Variants in AAK1 observed in about 807,000 individuals in gnomAD.
AAK1 encodes AP2-associated protein kinase 1.
AAK1 carries 37 observed loss-of-function variants against 116.0 expected under a neutral mutation model. The observed-to-expected ratio is 0.32, with a 90% CI of 0.25 to 0.42. The LOEUF (loss-of-function observed/expected upper bound fraction) is 0.42, where lower values mean the gene tolerates loss of function less well. AAK1 is among the 10% of genes least tolerant of loss of function. The pLI, the probability that AAK1 is intolerant of heterozygous loss-of-function variation, is 1.00. For missense variants in AAK1, 919 were observed against 1,170.6 expected (o/e 0.79, Z 3.14); for synonymous variants, 458 against 439.9 (o/e 1.04, Z -0.51).
At chr2:69,542,735 G>A (rs937675234) in intron 4 of AAK1, 70 bp from the exon 5 acceptor site, 1 of 1,542,370 alleles carries the variant, frequency 6.5e-7, no homozygotes, top group Non-Finnish European at 8.8e-7. Flanking sequence ...CTAAGAGAAT[G>A]AACGGCGTCC....
rs1671369881 is a variant in AAK1, at chr2:69,555,930, T to A, written c.282+930A>T. Among the ~76,000 whole-genome samples the A allele has an allele frequency of 2.6e-5, 4 of 152,192 alleles. No individual in the cohort carries two copies. In the South Asian group the frequency reaches 8.3e-4, roughly 32 times the overall value. ...GATGCTACTCTAACAAATTCCCATATACTCATAATTCTGCTTTGATCACCA... is the reference window on the plus strand; with the variant it reads ...GATGCTACTCTAACAAATTCCCATAAACTCATAATTCTGCTTTGATCACCA... On this transcript the variant is annotated intron_variant, in intron 3 of 21. Coordinates refer to ENST00000409085, the MANE Select transcript of AAK1 (RefSeq NM_014911.5).
At position 69,470,961 on chromosome 2, in the gene AAK1, A is replaced by C; in HGVS notation, c.*4908T>G. On this transcript the variant is annotated 3_prime_UTR_variant, in exon 22 of 22. Coordinates refer to ENST00000409085, the MANE Select transcript of AAK1 (RefSeq NM_014911.5). ...AAAGTCTTTATTCCCCTGTATGTTT[A>C]CATAAGAAAGTTCTTTACAGACTTT... 1 of 985,876 alleles carries C rather than the reference A, an allele frequency of 1.0e-6. No individual in the cohort carries two copies. The highest frequency in any genetic ancestry group is 1.2e-6 in the Non-Finnish European group (1 of 829,924). 61.1% of individuals were successfully genotyped at this position (985,876 alleles called of 1,614,324 possible).
At position 69,564,309 on chromosome 2, in the gene AAK1, G is replaced by C. The variant is rs1034692761; in HGVS notation, c.164-7331C>G. ...ACAGAAGGTACTTCAGTGGCTGCAC[G>C]AGGAAAAACTGACCTCCCTCCCTTA... On this transcript the variant is annotated intron_variant, in intron 2 of 21. Coordinates refer to ENST00000409085, the MANE Select transcript of AAK1 (RefSeq NM_014911.5). 2.0e-5 allele frequency among the ~76,000 whole-genome samples: 3 copies of C among 152,052 alleles called. No individual in the cohort carries two copies. The East Asian group carries it at 5.8e-4, about 29-fold the overall frequency.
intron 3 of AAK1, among the ~76,000 whole-genome samples, chr2:69,551,221 G>A (rs901588608): frequency 1.1e-4 from 16 of 152,010 alleles, no homozygotes; most frequent in East Asian, 3.8e-4. Flanking sequence ...AGCGGGTAAC[G>A]ACACACACTG....
Position 69,470,606 on chromosome 2 carries a change from G to T in AAK1, c.*5263C>A. 4.1e-6 allele frequency: 4 copies of T among 985,386 alleles called. No homozygotes were observed. The highest frequency in any genetic ancestry group is 4.8e-6 in the Non-Finnish European group (4 of 829,922). 61.0% of individuals were successfully genotyped at this position (985,386 alleles called of 1,614,324 possible). Reference sequence around the variant, plus strand: ...CCAACACAAAATGTTTAATTAAGTTGGCCTGGGTATATTAGGGATTAAGTT... The same window carrying T: ...CCAACACAAAATGTTTAATTAAGTTTGCCTGGGTATATTAGGGATTAAGTT... On this transcript the variant is annotated 3_prime_UTR_variant, in exon 22 of 22. Transcript: ENST00000409085.
chr2:69,475,025 C>T lies in AAK1; in HGVS notation c.*844G>A. 1 of 961,634 alleles carries T rather than the reference C, an allele frequency of 1.0e-6. No individual in the cohort carries two copies. The highest frequency in any genetic ancestry group is 1.2e-6 in the Non-Finnish European group (1 of 825,042). The allele number at this position is 961,634 out of a possible 1,614,324, so 59.6% of individuals were successfully genotyped here. A position where few individuals can be genotyped will look rare whatever the true frequency, so the allele number is the denominator to read the frequency against. On this transcript the variant is annotated 3_prime_UTR_variant, in exon 22 of 22. Coordinates refer to ENST00000409085, the MANE Select transcript of AAK1 (RefSeq NM_014911.5). ...TCTAATAAAAGGTATCATATTACCA[C>T]CGTCTTGTTTTGGTCTAATTCTGAG...
intron 10 of AAK1, among the ~76,000 whole-genome samples, chr2:69,522,028 C>T (rs1669808056): frequency 6.6e-6 from 1 of 152,224 alleles, no homozygotes; most frequent in East Asian, 1.9e-4. Context: ...CTGTAATTCA[C>T]AGCCAGATCG....
chr2:69,464,618 C>T lies in AAK1; in HGVS notation c.*11251G>A, dbSNP rs1674430467. 6.6e-6 allele frequency: 1 copy of T among 152,540 alleles called. No individual in the cohort carries two copies. The highest frequency in any genetic ancestry group is 1.5e-5 in the Non-Finnish European group (1 of 68,044). The allele number at this position is 152,540 out of a possible 1,614,324, so 9.4% of individuals were successfully genotyped here. On this transcript the variant is annotated 3_prime_UTR_variant, in exon 22 of 22. Coordinates refer to ENST00000409085, the MANE Select transcript of AAK1 (RefSeq NM_014911.5). Reference sequence around the variant, plus strand: ...GTAGGCATGATGGGGCAGGATTTCCCTCAAGTGGAAATGCTTCCTGTGCAC... The same window carrying T: ...GTAGGCATGATGGGGCAGGATTTCCTTCAAGTGGAAATGCTTCCTGTGCAC...
rs1674979382 is a variant in AAK1 at position 69,479,075 on chromosome 2, A to C, written c.2570-14T>G. 2 of 1,547,148 alleles carry C rather than the reference A, an allele frequency of 1.3e-6. No individual in the cohort carries two copies. Among genetic ancestry groups the C allele is most frequent in the African/African-American group, 1.4e-5 (1 of 73,642 alleles). ...CGGTGAGAGAATCTGAGTCCAGATT[A>C]ACAGCATCCCAGGTCAGTGATGGCA... On this transcript the variant is annotated splice_polypyrimidine_tract_variant and intron_variant, in intron 19 of 21. Transcript: ENST00000409085.
chr2:69,623,296 A>G (rs1674748309), intron 2 of AAK1, among the ~76,000 whole-genome samples: 1 of 152,226 alleles, frequency 6.6e-6, no homozygotes, highest in Admixed American at 6.5e-5. Context: ...TCTTGAAGTC[A>G]GTAAGACCAA....
In AAK1 at chr2:69,496,037, C is replaced by A. The variant is rs950550433; in HGVS notation, c.2313G>T (p.Pro771=). The change falls in exon 17 of 22, where the codon CCG becomes CCT. Residue 771 remains proline (P), a synonymous_variant. Coordinates refer to ENST00000409085, the MANE Select transcript of AAK1 (RefSeq NM_014911.5). ...KGGQTVDSGL[P]LLSVSDPFIP... ...TGAAAGGATCAGACACGCTTAGAAG[C>A]GGGAGGCCAGAGTCCACAGTCTGCC... 1 of 1,555,256 alleles carries A rather than the reference C, an allele frequency of 6.4e-7. No homozygotes were observed. The highest frequency in any genetic ancestry group is 1.9e-5 in the Admixed American group (1 of 51,346).
chr2:69,529,600 A>G (rs567247468), intron 8 of AAK1, among the ~76,000 whole-genome samples: 1 of 152,352 alleles, frequency 6.6e-6, no homozygotes, highest in South Asian at 2.1e-4. Context: ...ATATAGTCTT[A>G]ATTATCTATT....
At chr2:69,540,680 GA>G (rs1670674480) in intron 5 of AAK1, among the ~76,000 whole-genome samples, 1 of 152,182 alleles carries the variant, frequency 6.6e-6, no homozygotes, top group Non-Finnish European at 1.5e-5. Flanking sequence ...GACTACTTTG[GA>G]AAACAGTTTG....
rs553465066 is a variant in AAK1 at position 69,544,604 on chromosome 2, C to G, written c.283-60G>C. Reference sequence around the variant, plus strand: ...TCAGATGCCAATAGGACAGAATTAGCCAGTCAGTTCCATTAGCACAGATAA... The same window carrying G: ...TCAGATGCCAATAGGACAGAATTAGGCAGTCAGTTCCATTAGCACAGATAA... On this transcript the variant is annotated intron_variant, in intron 3 of 21. Coordinates refer to ENST00000409085, the MANE Select transcript of AAK1 (RefSeq NM_014911.5). The G allele has an allele frequency of 1.0e-4, 124 of 1,184,792 alleles. No homozygotes were observed. The African/African-American group carries it at 1.6e-3, about 16-fold the overall frequency. The allele number at this position is 1,184,792 out of a possible 1,614,324, so 73.4% of individuals were successfully genotyped here.
rs1205180498 is a variant in AAK1 at position 69,626,663 on chromosome 2, C to CT, written c.163+16214dup. ...TATAGGTGCATTCCACCATGCCTGG[C>CT]TTTTTTTTTTTTTTTTTGTAGAGAC... On this transcript the variant is annotated intron_variant, in intron 2 of 21. Transcript: ENST00000409085. Among the ~76,000 whole-genome samples, 1,180 of 125,514 alleles carry CT rather than the reference C, an allele frequency of 9.4e-3. 16 individuals carry two copies. Among genetic ancestry groups the CT allele is most frequent in the Middle Eastern group, 0.019 (5 of 260 alleles). 82.3% of individuals were successfully genotyped at this position (125,514 alleles called of 152,430 possible).
Position 69,474,830 on chromosome 2 carries a change from T to A in AAK1, c.*1039A>T. 1 of 985,848 alleles carries A rather than the reference T, an allele frequency of 1.0e-6. No homozygotes were observed. The highest frequency in any genetic ancestry group is 1.2e-6 in the Non-Finnish European group (1 of 829,924). 61.1% of individuals were successfully genotyped at this position (985,848 alleles called of 1,614,324 possible). The stretch of plus-strand genomic sequence containing the variant: ...GAAATCAAAACCCTGTACAGACACC[T>A]GATATCAGACTTGAAATGCCAAGTG... On this transcript the variant is annotated 3_prime_UTR_variant, in exon 22 of 22. Transcript: ENST00000409085.
At chr2:69,518,420 T>TG (rs1219596184) in intron 12 of AAK1, among the ~76,000 whole-genome samples, 3 of 133,480 alleles carry the variant, frequency 2.2e-5, no homozygotes, top group South Asian at 2.3e-4. Context: ...AGTTTTTTTT[T>TG]TTTTTTTTTT....
chr2:69,587,386 C>CATATGCGTGT lies in AAK1; in HGVS notation c.164-30409_164-30408insACACGCATAT, dbSNP rs1558982712. On this transcript the variant is annotated intron_variant, in intron 2 of 21. Coordinates refer to ENST00000409085, the MANE Select transcript of AAK1 (RefSeq NM_014911.5). ...ATGCGTGTACACACACATATATACA[C>CATATGCGTGT]ACACGTGTGTACATATATACACATG... Among the ~76,000 whole-genome samples, 64 of 149,978 alleles carry CATATGCGTGT rather than the reference C, an allele frequency of 4.3e-4. No individual in the cohort carries two copies. In the South Asian group the frequency reaches 5.4e-3, roughly 13 times the overall value.
intron 8 of AAK1, among the ~76,000 whole-genome samples, chr2:69,528,401 A>G (rs981467512): frequency 6.6e-6 from 1 of 152,108 alleles, no homozygotes; most frequent in Non-Finnish European, 1.5e-5. Flanking sequence ...AGAGGAGAAA[A>G]GCTGGTGACC....
Sources: gnomAD v4.1 joint callset for allele counts (sites outside exome capture counted in the v4.1 genomes callset) on GRCh38, gnomAD v4.1.1 for gene constraint, MANE v1.5 for transcripts, NCBI Gene and HGNC (gene_info 2026-07-23, HGNC 2026-07-21) for gene names.